Variants in HIVEP3 observed in about 807,000 individuals in gnomAD.
The protein encoded by HIVEP3 is HIVEP zinc finger 3.
A neutral mutation model predicts 152.8 loss-of-function variants in HIVEP3; 49 were observed. The ratio of observed to expected loss-of-function variants is 0.32; its 90% CI spans 0.26 to 0.41. HIVEP3 has a LOEUF of 0.41. Among genes scored for constraint, HIVEP3 ranks in the 10% least tolerant of loss-of-function variants. The pLI is 1.00. For missense variants in HIVEP3, 2,790 were observed against 3,103.3 expected (o/e 0.90, Z 2.40); for synonymous variants, 1,269 against 1,289.0 (o/e 0.98, Z 0.33).
At chr1:41,851,178 T>C (rs1643586541) in intron 1 of HIVEP3, among the ~76,000 whole-genome samples, 1 of 151,842 alleles carries the variant, frequency 6.6e-6, no homozygotes, top group Non-Finnish European at 1.5e-5. Context: ...TCTACCACTA[T>C]AACCGCAGCA....
intron 1 of HIVEP3, among the ~76,000 whole-genome samples, chr1:41,763,759 G>C: frequency 6.6e-6 from 1 of 152,176 alleles, no homozygotes; most frequent in East Asian, 1.9e-4. Flanking sequence ...TGTTAGTGGA[G>C]GTAAAATACA....
intron 5 of HIVEP3, among the ~76,000 whole-genome samples, chr1:41,568,670 G>C (rs189463226): frequency 1.3e-5 from 2 of 152,372 alleles, no homozygotes; most frequent in Admixed American, 1.3e-4. Context: ...TACGGTTTCA[G>C]GGCCAAGCTG....
intron 1 of HIVEP3, chr1:41,847,263 A>T (rs1643469185): frequency 6.6e-6 from 1 of 152,264 alleles, no homozygotes. Context: ...ACATCAAACC[A>T]TAAGAGATGA....
At chr1:41,939,899 TTTTC>T (rs375006511) in intron 1 of HIVEP3, among the ~76,000 whole-genome samples, 28 of 152,212 alleles carry the variant, frequency 1.8e-4, no homozygotes, top group African/African-American at 5.3e-4. Context: ...CTTTTTTTCT[TTTTC>T]TTTATTTTTT....
intron 2 of HIVEP3, among the ~76,000 whole-genome samples, chr1:41,652,451 G>A (rs1645565436): frequency 6.6e-6 from 1 of 152,196 alleles, no homozygotes; most frequent in Non-Finnish European, 1.5e-5. Context: ...GGAGGAGTGA[G>A]GAGAAGGATT....
At chr1:41,800,385 G>A (rs918894204) in intron 1 of HIVEP3, among the ~76,000 whole-genome samples, 1 of 152,204 alleles carries the variant, frequency 6.6e-6, no homozygotes, top group African/African-American at 2.4e-5. Flanking sequence ...GCCATGCCAT[G>A]GAGGAGCTGG....
At chr1:41,877,571 T>C (rs1644190641) in intron 1 of HIVEP3, among the ~76,000 whole-genome samples, 1 of 152,168 alleles carries the variant, frequency 6.6e-6, no homozygotes, top group Admixed American at 6.6e-5. Flanking sequence ...CCTCTGGGCC[T>C]CAGAACCATT....
chr1:41,777,758 T>C (rs1001723599), intron 1 of HIVEP3, among the ~76,000 whole-genome samples: 1 of 152,232 alleles, frequency 6.6e-6, no homozygotes, highest in Non-Finnish European at 1.5e-5. Context: ...TGGGGGCTTC[T>C]TAGTATCAGG....
rs189179260 is a variant in HIVEP3 at position 41,646,660 on chromosome 1, C to T, written c.-720-17713G>A. On this transcript the variant is annotated intron_variant, in intron 2 of 8. Coordinates refer to ENST00000372583, the MANE Select transcript of HIVEP3 (RefSeq NM_024503.5). ...CAGATGGAGATAAAACAGAAGAGCACGACTACAGAGTCCTCTGCCTCCAGG... is the reference window on the plus strand; with the variant it reads ...CAGATGGAGATAAAACAGAAGAGCATGACTACAGAGTCCTCTGCCTCCAGG... Among the ~76,000 whole-genome samples the T allele has an allele frequency of 3.3e-5, 5 of 152,294 alleles. No homozygotes were observed. In the East Asian group the frequency reaches 9.7e-4, roughly 29 times the overall value.
chr1:41,584,115 G>A lies in HIVEP3; in HGVS notation c.683C>T (p.Ser228Phe). 6.2e-7 allele frequency: 1 copy of A among 1,614,170 alleles called. No homozygotes were observed. The highest frequency in any genetic ancestry group is 8.5e-7 in the Non-Finnish European group (1 of 1,180,044). Reference protein sequence around the residue: ...RPYPCGPCGFSFKTKSNLYKH... With the variant: ...RPYPCGPCGFFFKTKSNLYKH... ...GTAGAGATTACTCTTGGTCTTGAAG[G>A]AGAAGCCACAGGGGCCGCAGGGGTA... Residue 228 changes from serine (S) to phenylalanine (F), a missense_variant, in exon 4 of 9, where the codon TCC becomes TTC. By Grantham distance (155) the Ser-to-Phe change is radical (BLOSUM62 -2). Transcript: ENST00000372583. This position sits in a 1 kb window ranked among gnomAD's most constrained non-coding sequence, Gnocchi z 5.2.
At chr1:41,826,583 C>T (rs1642810427) in intron 1 of HIVEP3, among the ~76,000 whole-genome samples, 2 of 152,174 alleles carry the variant, frequency 1.3e-5, no homozygotes, top group African/African-American at 4.8e-5. Flanking sequence ...CCCTCACAGA[C>T]AGGGCACGGC....
intron 2 of HIVEP3, among the ~76,000 whole-genome samples, chr1:41,655,624 G>C (rs1377407101): frequency 7.2e-6 from 1 of 138,668 alleles, no homozygotes; most frequent in Admixed American, 7.2e-5. Flanking sequence ...GAGAGAGAGA[G>C]AAAAGAGCCC....
rs570410336 is a variant in HIVEP3, at chr1:41,513,334, C to T, written c.5887G>A (p.Val1963Met). ...DTGSALSYKP[V>M]SPRRPWSPSK... ...GGGGACCACGGTCTTCTTGGGGACACAGGCTTGTAGCTCAAGGCTGAGCCT... is the reference window on the plus strand; with the variant it reads ...GGGGACCACGGTCTTCTTGGGGACATAGGCTTGTAGCTCAAGGCTGAGCCT... The change falls in exon 8 of 9, where the codon GTG becomes ATG. Residue 1963 changes from valine to methionine, a missense_variant. Coordinates refer to ENST00000372583, the MANE Select transcript of HIVEP3 (RefSeq NM_024503.5). 3 of 1,613,076 alleles carry T rather than the reference C, an allele frequency of 1.9e-6. No individual in the cohort carries two copies. In the East Asian group the frequency reaches 6.7e-5, roughly 36 times the overall value.
intron 1 of HIVEP3, among the ~76,000 whole-genome samples, chr1:41,962,060 A>G (rs1351412812): frequency 6.6e-6 from 1 of 152,276 alleles, no homozygotes; most frequent in Non-Finnish European, 1.5e-5. Flanking sequence ...AGATCAGGGA[A>G]TCCCATAAAA....
intron 1 of HIVEP3, among the ~76,000 whole-genome samples, chr1:41,901,209 T>G (rs1046121041): frequency 6.6e-6 from 1 of 151,826 alleles, no homozygotes; most frequent in African/African-American, 2.4e-5. Context: ...ACAGGGTGCA[T>G]CTGAAGAGGA....
At position 41,511,050 on chromosome 1, in the gene HIVEP3, C is replaced by T. The variant is rs371352900; in HGVS notation, c.6622G>A (p.Gly2208Arg). ...CCTGGCAGCAGGGTGGGGTGGGCTC[C>T]TGGCCGGGCCTGCACCATCTGGATC... ...GGIQMVQARP[G>R]AHPTLLPGPT... The change falls in exon 9 of 9, where the codon GGA (glycine) becomes AGA (arginine). Residue 2208 changes from glycine (G) to arginine (R), a missense_variant. Around this residue, in one of 9 missense-constraint regions of HIVEP3, gnomAD observed 816 missense variants for 806.5 expected, o/e 1.01. Transcript: ENST00000372583. This position sits in a 1 kb window ranked among gnomAD's most constrained non-coding sequence, Gnocchi z 4.9. 73 of 1,613,928 alleles carry T rather than the reference C, an allele frequency of 4.5e-5. No homozygotes were observed. Among genetic ancestry groups the T allele is most frequent in the Non-Finnish European group, 5.5e-5 (65 of 1,179,902 alleles).
intron 1 of HIVEP3, among the ~76,000 whole-genome samples, chr1:41,833,905 G>A (rs1216631277): frequency 1.3e-5 from 2 of 152,180 alleles, no homozygotes; most frequent in Admixed American, 1.3e-4. Flanking sequence ...CAGCGTGGGA[G>A]CCTCCAGCTT....
intron 1 of HIVEP3, among the ~76,000 whole-genome samples, chr1:42,021,556 G>A (rs1259739947): frequency 6.6e-6 from 1 of 152,078 alleles, no homozygotes; most frequent in Non-Finnish European, 1.5e-5. Context: ...GAATCTTGGT[G>A]GACAAGTGAA....
chr1:41,522,060 C>G (rs1377525507), intron 6 of HIVEP3, among the ~76,000 whole-genome samples: 1 of 152,240 alleles, frequency 6.6e-6, no homozygotes, highest in Non-Finnish European at 1.5e-5. Context: ...CAGAGACAGA[C>G]AGGAAGGCAG....
Sources: allele counts gnomAD v4.1 joint callset (sites outside exome capture counted in the v4.1 genomes callset), GRCh38; gene constraint gnomAD v4.1.1; regional missense constraint gnomAD v4.1.1; non-coding constraint Gnocchi (gnomAD v3.1); transcripts MANE v1.5; gene names NCBI Gene and HGNC (gene_info 2026-07-23, HGNC 2026-07-21).